The following PDE3B variants were observed in gnomAD, a reference collection of about 807,000 sequenced individuals.
PDE3B encodes cGMP-inhibited 3',5'-cyclic phosphodiesterase 3B.
PDE3B carries 66 observed loss-of-function variants against 116.8 expected under a neutral mutation model. The observed-to-expected ratio is 0.56, with a 90% CI of 0.46 to 0.69. PDE3B has a LOEUF of 0.69. Among genes scored for constraint, PDE3B ranks in the 30% least tolerant of loss-of-function variants. The probability of loss-of-function intolerance (pLI) is 0.00; values close to 1 mark genes in which losing one functional copy is unlikely to be tolerated. For synonymous variants in PDE3B, 595 were observed against 533.6 expected, an observed-to-expected ratio of 1.12 and a Z score of -1.59; for missense variants, 1,384 against 1,368.1, an observed-to-expected ratio of 1.01 and a Z score of -0.18.
intron 1 of PDE3B, among the ~76,000 whole-genome samples, chr11:14,683,606 C>G (rs1018184237): frequency 2.0e-5 from 3 of 151,556 alleles, no homozygotes; most frequent in Admixed American, 6.6e-5. Context: ...ATTTTTAAAT[C>G]TTTTCAAAGA....
intron 14 of PDE3B, among the ~76,000 whole-genome samples, chr11:14,861,747 T>C (rs1847954496): frequency 1.3e-5 from 2 of 152,162 alleles, no homozygotes; most frequent in South Asian, 4.1e-4. Flanking sequence ...TGAAAGTTTA[T>C]TTAAAAGCTT....
intron 1 of PDE3B, among the ~76,000 whole-genome samples, chr11:14,750,868 A>G (rs1857041921): frequency 6.6e-6 from 1 of 152,190 alleles, no homozygotes; most frequent in African/African-American, 2.4e-5. Flanking sequence ...AAAATAAACC[A>G]AGATCTCATT....
At chr11:14,855,864 T>G (rs1847839306) in intron 12 of PDE3B, among the ~76,000 whole-genome samples, 1 of 152,212 alleles carries the variant, frequency 6.6e-6, no homozygotes, top group African/African-American at 2.4e-5. Flanking sequence ...TTCTCAGATA[T>G]GCAGTGATTT....
At position 14,644,039 on chromosome 11, in the gene PDE3B, G is replaced by A. The variant is rs763163508; in HGVS notation, c.-37G>A. The A allele has an allele frequency of 4.4e-5, 64 of 1,438,882 alleles. 1 individual carries two copies. In the South Asian group the frequency reaches 7.6e-4, roughly 17 times the overall value. 89.1% of individuals were successfully genotyped at this position (1,438,882 alleles called of 1,614,324 possible). A position where few individuals can be genotyped will look rare whatever the true frequency, so the allele number is the denominator to read the frequency against. Reference sequence around the variant, plus strand: ...CGAGCGGCCGCTACGGTACGAGCGGGGTGTGCTGAGTCCCGTGGCCACCCC... The same window carrying A: ...CGAGCGGCCGCTACGGTACGAGCGGAGTGTGCTGAGTCCCGTGGCCACCCC... On this transcript the variant is annotated 5_prime_UTR_variant, in exon 1 of 16. Transcript: ENST00000282096.
chr11:14,867,936 A>T (rs1393054775), intron 15 of PDE3B, among the ~76,000 whole-genome samples, 178 bp downstream of exon 15: 1 of 152,212 alleles, frequency 6.6e-6, no homozygotes, highest in East Asian at 1.9e-4. Flanking sequence ...GGTGCTAAAT[A>T]TAATGCAAAT....
chr11:14,770,363 G>T (rs1371747344), intron 1 of PDE3B, among the ~76,000 whole-genome samples: 2 of 151,438 alleles, frequency 1.3e-5, no homozygotes, highest in African/African-American at 4.8e-5. Context: ...TAAAATAAGG[G>T]CAGAAGTAAA....
intron 5 of PDE3B, among the ~76,000 whole-genome samples, chr11:14,814,823 G>T (rs935256566): frequency 2.0e-5 from 3 of 152,064 alleles, no homozygotes; most frequent in Non-Finnish European, 4.4e-5. Context: ...TTAGCTGGGC[G>T]TGGTGGCGGG....
intron 1 of PDE3B, among the ~76,000 whole-genome samples, chr11:14,652,780 G>A (rs530499020): frequency 6.6e-6 from 1 of 152,204 alleles, no homozygotes; most frequent in East Asian, 1.9e-4. Context: ...GAATCATACA[G>A]TATTTTTTTG....
intron 1 of PDE3B, among the ~76,000 whole-genome samples, chr11:14,704,837 CATAAAA>C (rs1855481555): frequency 6.6e-6 from 1 of 151,232 alleles, no homozygotes; most frequent in South Asian, 2.1e-4. Flanking sequence ...AAACACAAAC[CATAAAA>C]GAAAAAAATT....
chr11:14,880,792 G>T, the PDE3B span: 1 of 1,587,724 alleles, frequency 6.3e-7, no homozygotes, highest in Non-Finnish European at 8.6e-7. Flanking sequence ...TTAAAATATT[G>T]TATAATTCCT....
intron 12 of PDE3B, among the ~76,000 whole-genome samples, chr11:14,849,744 C>T (rs920753762): frequency 3.1e-4 from 47 of 152,128 alleles, no homozygotes; most frequent in Non-Finnish European, 6.2e-4. Context: ...AAAATGCTCA[C>T]CATCACTGGC....
intron 1 of PDE3B, chr11:14,674,330 GTTC>G (rs1854465184): frequency 3.3e-6 from 3 of 903,770 alleles, no homozygotes; most frequent in East Asian, 2.6e-5. Flanking sequence ...GCTTTTTGAA[GTTC>G]TTATTCTTTC....
intron 1 of PDE3B, among the ~76,000 whole-genome samples, chr11:14,658,585 G>T (rs540634811): frequency 9.2e-4 from 140 of 152,244 alleles, no homozygotes; most frequent in African/African-American, 3.2e-3. Flanking sequence ...TTGAACTCTT[G>T]ACCTCGTGAT....
intron 1 of PDE3B, among the ~76,000 whole-genome samples, chr11:14,737,588 A>G (rs1856637520): frequency 6.6e-6 from 1 of 151,962 alleles, no homozygotes; most frequent in Non-Finnish European, 1.5e-5. Flanking sequence ...AAAAAAATTG[A>G]GGTGAAATTT....
intron 1 of PDE3B, among the ~76,000 whole-genome samples, chr11:14,662,233 C>G (rs1383157139): frequency 6.6e-6 from 1 of 152,194 alleles, no homozygotes; most frequent in Non-Finnish European, 1.5e-5. Context: ...TCCAACAGAC[C>G]TGCAGCTGAG....
Position 14,861,299 on chromosome 11 carries a change from G to A in PDE3B, c.2819G>A (p.Gly940Asp). ...TGCATCAAACTGGCAGATATAAATGGCCCAGCAAAAGTTCGAGACTTGCAT... is the reference window on the plus strand; with the variant it reads ...TGCATCAAACTGGCAGATATAAATGACCCAGCAAAAGTTCGAGACTTGCAT... ...QVCIKLADIN[G>D]PAKVRDLHLK... Residue 940 changes from glycine (G) to aspartate (D), a missense_variant, in exon 14 of 16, where the codon GGC becomes GAC. This residue lies in a region of PDE3B where 428 missense variants were observed against 561.4 expected (regional missense o/e 0.76). Coordinates refer to ENST00000282096, the MANE Select transcript of PDE3B (RefSeq NM_000922.4). 6.2e-7 allele frequency: 1 copy of A among 1,613,806 alleles called. No homozygotes were observed. Among genetic ancestry groups the A allele is most frequent in the African/African-American group, 1.3e-5 (1 of 75,000 alleles).
At chr11:14,826,653 A>C (rs1266883341) in intron 7 of PDE3B, among the ~76,000 whole-genome samples, 2 of 152,166 alleles carry the variant, frequency 1.3e-5, no homozygotes, top group African/African-American at 4.8e-5. Context: ...TAAATAAATA[A>C]AAATAAAGCC....
At chr11:14,877,088 T>A in the PDE3B span, among the ~76,000 whole-genome samples, 1 of 152,164 alleles carries the variant, frequency 6.6e-6, no homozygotes. Flanking sequence ...TACAAGAGCA[T>A]GTACCTGTAA....
At chr11:14,845,813 A>G (rs1033735326) in intron 12 of PDE3B, among the ~76,000 whole-genome samples, 3 of 152,176 alleles carry the variant, frequency 2.0e-5, no homozygotes, top group Admixed American at 6.5e-5. Context: ...GAAACAAACA[A>G]AGCCTCCAAG....
Sources: gnomAD v4.1 joint callset for allele counts (sites outside exome capture counted in the v4.1 genomes callset) on GRCh38, gnomAD v4.1.1 for gene constraint, gnomAD v4.1.1 regional missense constraint, MANE v1.5 for transcripts, NCBI Gene and HGNC (gene_info 2026-07-23, HGNC 2026-07-21) for gene names.